EAPP: variants seen among roughly 807,000 people sequenced by gnomAD.
EAPP encodes the protein E2F-associated phosphoprotein.
EAPP carries 38 observed loss-of-function variants against 34.3 expected under a neutral mutation model. The observed-to-expected ratio is 1.11, with a 90% confidence interval of 0.85 to 1.45. EAPP has a LOEUF of 1.45. Among genes scored for constraint, EAPP ranks in the 40% most tolerant of loss-of-function variants. The probability of loss-of-function intolerance (pLI) is 0.00; values close to 1 mark genes in which losing one functional copy is unlikely to be tolerated. For synonymous variants in EAPP, 113 were observed against 117.6 expected (o/e 0.96, Z 0.25); for missense variants, 338 against 343.7 (o/e 0.98, Z 0.13).
At chr14:34,520,678 A>G (rs992456522) in intron 5 of EAPP, among the ~76,000 whole-genome samples, 2 of 149,596 alleles carry the variant, frequency 1.3e-5, no homozygotes, top group Admixed American at 6.7e-5. Flanking sequence ...ATTTTTTAAT[A>G]TTTTTAGTAC....
Position 34,516,315 on chromosome 14 carries a change from A to T in EAPP, c.853T>A (p.Ser285Thr), listed in dbSNP as rs1879715752. The T allele has an allele frequency of 1.9e-6, 3 of 1,609,830 alleles. No homozygotes were observed. The highest frequency in any genetic ancestry group is 2.5e-6 in the Non-Finnish European group (3 of 1,177,620). The change falls in exon 6 of 6, where the codon TCC becomes ACC. Residue 285 changes from serine to threonine, a missense_variant. Ser to Thr is a moderately conservative substitution (Grantham distance 58). Coordinates refer to ENST00000250454, the MANE Select transcript of EAPP (RefSeq NM_018453.4). ...TTAAATGCCAGTTGGGCTGTTTAGG[A>T]ATGGCTTGCTAAAACATTGAAAAAA... Reference protein sequence around the residue: ...FHFFNVLASHS With the variant: ...FHFFNVLASHT
Position 34,529,580 on chromosome 14 carries a change from C to T in EAPP, c.353-105G>A, listed in dbSNP as rs1880212985. 8 of 963,660 alleles carry T rather than the reference C, an allele frequency of 8.3e-6. No homozygotes were observed. The Admixed American group carries it at 2.0e-4, about 24-fold the overall frequency. The allele number at this position is 963,660 out of a possible 1,614,324, so 59.7% of individuals were successfully genotyped here. A position where few individuals can be genotyped will look rare whatever the true frequency, so the allele number is the denominator to read the frequency against. On this transcript the variant is annotated intron_variant, in intron 3 of 5. Coordinates refer to ENST00000250454, the MANE Select transcript of EAPP (RefSeq NM_018453.4). ...AAGCTACACATTTATTTATATTTTCCCTAAAAAGTTAAAAAAGGGACGGGC... is the reference window on the plus strand; with the variant it reads ...AAGCTACACATTTATTTATATTTTCTCTAAAAAGTTAAAAAAGGGACGGGC...
At chr14:34,535,955 C>A in intron 2 of EAPP, 139 bp downstream of exon 2, 1 of 606,616 alleles carries the variant, frequency 1.6e-6, no homozygotes, top group Non-Finnish European at 2.8e-6. Flanking sequence ...GCTCAGACTG[C>A]CAAATACATT....
chr14:34,520,715 C>T (rs1243858376), intron 5 of EAPP, among the ~76,000 whole-genome samples: 1 of 152,064 alleles, frequency 6.6e-6, no homozygotes, highest in Non-Finnish European at 1.5e-5. Context: ...GTTGGCCAGG[C>T]TTGTCTCAAA....
At chr14:34,529,930 T>C (rs1880227405) in intron 3 of EAPP, among the ~76,000 whole-genome samples, 1 of 152,052 alleles carries the variant, frequency 6.6e-6, no homozygotes, top group Non-Finnish European at 1.5e-5. Flanking sequence ...GCAGAAAAAC[T>C]GCTTGAACCC....
At chr14:34,519,683 T>C (rs765472611) in intron 5 of EAPP, among the ~76,000 whole-genome samples, 5 of 152,168 alleles carry the variant, frequency 3.3e-5, no homozygotes, top group Non-Finnish European at 7.3e-5. Flanking sequence ...ATACAACTAC[T>C]GGCATTTTGC....
rs562786115 is a variant in EAPP, at chr14:34,533,292, C to T, written c.352+152G>A. On this transcript the variant is annotated intron_variant, in intron 3 of 5. Coordinates refer to ENST00000250454, the MANE Select transcript of EAPP (RefSeq NM_018453.4). ...TCAGGTGATCTGCCTGCATCAGCCT[C>T]CCAAAGTGCTGCCATTACAGGTGTG... 1.9e-4 allele frequency: 120 copies of T among 632,824 alleles called. 1 individual carries two copies. The African/African-American group carries it at 2.0e-3, about 10-fold the overall frequency. The allele number at this position is 632,824 out of a possible 1,614,324, so 39.2% of individuals were successfully genotyped here.
intron 4 of EAPP, among the ~76,000 whole-genome samples, chr14:34,525,954 A>T (rs905783240): frequency 5.3e-5 from 8 of 152,122 alleles, no homozygotes; most frequent in African/African-American, 1.9e-4. Context: ...CAGGAGACGG[A>T]GCTTGCAGTG....
intron 4 of EAPP, among the ~76,000 whole-genome samples, chr14:34,525,842 AC>A (rs1367752456): frequency 6.6e-6 from 1 of 151,796 alleles, no homozygotes; most frequent in Non-Finnish European, 1.5e-5. Flanking sequence ...ACATGGTGAA[AC>A]CCCATCTCTA....
chr14:34,539,256 C>T (rs1334938357), intron 1 of EAPP: 1 of 584,842 alleles, frequency 1.7e-6, no homozygotes, highest in African/African-American at 1.8e-5. Context: ...ACTGACTTGC[C>T]TTCCGTCACT....
intron 5 of EAPP, 44 bp downstream of exon 5, chr14:34,524,653 A>ATGTGGGTG: frequency 1.1e-6 from 1 of 874,608 alleles, no homozygotes; most frequent in Non-Finnish European, 1.7e-6. Flanking sequence ...TAAACAAAAT[A>ATGTGGGTG]TGTATGTGTG....
chr14:34,521,372 C>G (rs1879912857), intron 5 of EAPP, among the ~76,000 whole-genome samples: 1 of 152,058 alleles, frequency 6.6e-6, no homozygotes, highest in Non-Finnish European at 1.5e-5. Context: ...TCCCCAGCTA[C>G]TGCTATTAAT....
At chr14:34,522,476 T>C (rs973872743) in intron 5 of EAPP, among the ~76,000 whole-genome samples, 1 of 152,298 alleles carries the variant, frequency 6.6e-6, no homozygotes, top group Non-Finnish European at 1.5e-5. Flanking sequence ...TTTGCTACTG[T>C]GTCTTGTGGA....
Position 34,524,712 on chromosome 14 carries a change from C to G in EAPP, c.566G>C (p.Cys189Ser). Residue 189 changes from cysteine to serine, a missense_variant, in exon 5 of 6, where the codon TGC becomes TCC. Cys to Ser is a moderately radical substitution (Grantham distance 112, BLOSUM62 -1). Transcript: ENST00000250454. ...CATCCATTACCTTTGGCAATCAAGG[C>G]AAAGTGTGGTCATGCAGGCAGGACA... ...LNCPACMTTL[C>S]LDCQRHESYK... 1 of 1,581,394 alleles carries G rather than the reference C, an allele frequency of 6.3e-7. No individual in the cohort carries two copies. The highest frequency in any genetic ancestry group is 8.6e-7 in the Non-Finnish European group (1 of 1,158,370).
chr14:34,529,890 C>T (rs1019102199), intron 3 of EAPP, among the ~76,000 whole-genome samples: 7 of 152,096 alleles, frequency 4.6e-5, no homozygotes, highest in Admixed American at 1.3e-4. Flanking sequence ...GTAGTAGGCA[C>T]CTGTAATCCC....
chr14:34,518,917 T>G (rs1448417243), intron 5 of EAPP, among the ~76,000 whole-genome samples: 1 of 152,200 alleles, frequency 6.6e-6, no homozygotes, highest in East Asian at 1.9e-4. Flanking sequence ...TGTTGATCCA[T>G]TCAGCCACTG....
At chr14:34,516,886 T>C (rs1311377334) in intron 5 of EAPP, among the ~76,000 whole-genome samples, 1 of 151,772 alleles carries the variant, frequency 6.6e-6, no homozygotes, top group Non-Finnish European at 1.5e-5. Context: ...CATTTTAGTA[T>C]GTAACAGTGT....
chr14:34,519,885 CTTTTTTTT>C (rs763536134), intron 5 of EAPP, among the ~76,000 whole-genome samples: 1 of 133,702 alleles, frequency 7.5e-6, no homozygotes, highest in Non-Finnish European at 1.6e-5. Flanking sequence ...TCTTTCTTTT[CTTTTTTTT>C]TTTTTTTTGA....
At chr14:34,524,132 C>CTGTACACGCA (rs1880013723) in intron 5 of EAPP, among the ~76,000 whole-genome samples, 1 of 151,764 alleles carries the variant, frequency 6.6e-6, no homozygotes, top group Non-Finnish European at 1.5e-5. Context: ...TAGCTCACAG[C>CTGTACACGCA]TGTAATCCCA....
Sources: allele counts gnomAD v4.1 joint callset (sites outside exome capture counted in the v4.1 genomes callset), GRCh38; gene constraint gnomAD v4.1.1; transcripts MANE v1.5; gene names NCBI Gene and HGNC (gene_info 2026-07-23, HGNC 2026-07-21).